The following CDH4 variants were observed in gnomAD, a reference collection of about 807,000 sequenced individuals.
CDH4 encodes the protein cadherin-4.
In CDH4, 33 loss-of-function variants were observed where a neutral mutation model predicts 86.0. The ratio of observed to expected loss-of-function variants is 0.38; its 90% CI spans 0.29 to 0.51. The LOEUF (loss-of-function observed/expected upper bound fraction) is 0.51, where lower values mean the gene tolerates loss of function less well. Ranked by LOEUF, CDH4 falls within the 20% of genes least tolerant of loss-of-function variation. CDH4 has a pLI of 0.86. For synonymous variants in CDH4, 555 were observed against 549.4 expected, an observed-to-expected ratio of 1.01 and a Z score of -0.14; for missense variants, 1,114 against 1,307.4, an observed-to-expected ratio of 0.85 and a Z score of 2.28.
intron 9 of CDH4, among the ~76,000 whole-genome samples, chr20:61,918,442 C>T (rs1402641030): frequency 2.0e-5 from 3 of 152,156 alleles, no homozygotes; most frequent in Non-Finnish European, 4.4e-5. Flanking sequence ...CACAGATGAA[C>T]CACACTGGCG....
chr20:61,331,835 C>T (rs2084582473), intron 2 of CDH4, among the ~76,000 whole-genome samples: 1 of 152,140 alleles, frequency 6.6e-6, no homozygotes, highest in Non-Finnish European at 1.5e-5. Flanking sequence ...TGTCTCTTCC[C>T]CTGGACCGCA....
At chr20:61,451,654 A>G (rs2085381475) in intron 2 of CDH4, among the ~76,000 whole-genome samples, 1 of 151,962 alleles carries the variant, frequency 6.6e-6, no homozygotes, top group Non-Finnish European at 1.5e-5. Context: ...TCGCCAAGGA[A>G]AACTGTAGAA....
chr20:61,845,449 C>T (rs905772527), intron 5 of CDH4, among the ~76,000 whole-genome samples: 1 of 152,206 alleles, frequency 6.6e-6, no homozygotes, highest in African/African-American at 2.4e-5. Flanking sequence ...CCGAACTGAC[C>T]CTGGCCGAGA....
rs1170956815 is a variant in CDH4 at position 61,517,361 on chromosome 20, A to G, written c.170-226202A>G. 1.3e-5 allele frequency among the ~76,000 whole-genome samples: 2 copies of G among 152,020 alleles called. No homozygotes were observed. The highest frequency in any genetic ancestry group is 6.5e-5 in the Admixed American group (1 of 15,274). ...AGGTGCACACCACCTTGTGCAGCTA[A>G]TTTTTTTACTTTTTGTAGAGACAAG... On this transcript the variant is annotated intron_variant, in intron 2 of 15. Coordinates refer to ENST00000614565, the MANE Select transcript of CDH4 (RefSeq NM_001794.5). This position sits in a 1 kb window ranked among gnomAD's most constrained non-coding sequence, Gnocchi z 6.6.
intron 2 of CDH4, among the ~76,000 whole-genome samples, chr20:61,537,243 C>T (rs949525111): frequency 4.6e-5 from 7 of 151,488 alleles, no homozygotes; most frequent in Middle Eastern, 3.4e-3. Context: ...AATAATTTTT[C>T]TTAGGGCCCC....
intron 6 of CDH4, among the ~76,000 whole-genome samples, chr20:61,854,582 T>G (rs1982900552): frequency 6.9e-6 from 1 of 143,930 alleles, no homozygotes; most frequent in Non-Finnish European, 1.5e-5. Flanking sequence ...GTGAACAGGG[T>G]GAATTGTGCC....
chr20:61,354,381 G>A (rs1196366104), intron 2 of CDH4, among the ~76,000 whole-genome samples: 2 of 152,160 alleles, frequency 1.3e-5, no homozygotes, highest in African/African-American at 4.8e-5. Context: ...TCTGAACCAC[G>A]GTTTCCTGAC....
intron 2 of CDH4, among the ~76,000 whole-genome samples, chr20:61,590,882 G>GGT (rs1568700994): frequency 2.6e-5 from 4 of 152,084 alleles, no homozygotes; most frequent in Non-Finnish European, 5.9e-5. Flanking sequence ...TCTATGGGGG[G>GGT]GGGGGTCCCC....
intron 2 of CDH4, among the ~76,000 whole-genome samples, chr20:61,388,875 T>A (rs1186477270): frequency 6.6e-6 from 1 of 152,254 alleles, no homozygotes; most frequent in Non-Finnish European, 1.5e-5. Flanking sequence ...GAGCATAATA[T>A]ACTATATTTA....
chr20:61,645,400 G>A (rs1382514671), intron 2 of CDH4, among the ~76,000 whole-genome samples: 1 of 152,202 alleles, frequency 6.6e-6, no homozygotes, highest in Non-Finnish European at 1.5e-5. Context: ...GCTGAGGTGG[G>A]AGGATCACTT....
intron 7 of CDH4, among the ~76,000 whole-genome samples, chr20:61,890,831 C>A (rs989860499): frequency 4.6e-5 from 7 of 152,056 alleles, no homozygotes; most frequent in Admixed American, 2.0e-4. Context: ...TCAACAGACA[C>A]CGATTACCTA....
intron 2 of CDH4, among the ~76,000 whole-genome samples, chr20:61,571,956 C>A (rs192239468): frequency 6.1e-4 from 93 of 152,278 alleles, no homozygotes; most frequent in African/African-American, 2.2e-3. Flanking sequence ...GGCACAGAGA[C>A]TTCAGTTCCC....
chr20:61,780,221 C>T (rs370566286), intron 4 of CDH4, among the ~76,000 whole-genome samples: 4 of 152,094 alleles, frequency 2.6e-5, no homozygotes, highest in African/African-American at 7.2e-5. Flanking sequence ...CAGACTGGCT[C>T]GTAGCCTTGG....
At chr20:61,447,624 CTTTTTTTT>C (rs11204461) in intron 2 of CDH4, among the ~76,000 whole-genome samples, 1 of 102,034 alleles carries the variant, frequency 9.8e-6, no homozygotes, top group Non-Finnish European at 1.9e-5. Context: ...ATTCTACTTC[CTTTTTTTT>C]TTTTTTTTTT....
intron 2 of CDH4, among the ~76,000 whole-genome samples, chr20:61,406,281 C>T (rs186080053): frequency 2.0e-5 from 3 of 151,706 alleles, no homozygotes; most frequent in African/African-American, 4.8e-5. Context: ...GGACCACCAT[C>T]TGCTCTGCCC....
At chr20:61,291,691 C>CTGCTGTG (rs11281829) in intron 2 of CDH4, among the ~76,000 whole-genome samples, 145,831 of 152,146 alleles carry the variant, frequency 0.96, 70,165 homozygotes, top group East Asian at 1. Flanking sequence ...GGTTTCCAGT[C>CTGCTGTG]TGACCCTATC....
intron 6 of CDH4, among the ~76,000 whole-genome samples, chr20:61,867,374 A>T (rs369514973): frequency 2.0e-5 from 3 of 152,170 alleles, no homozygotes; most frequent in East Asian, 3.9e-4. Flanking sequence ...ACATGGAGAA[A>T]CCCCATCTCT....
chr20:61,777,308 G>C (rs375090367), intron 4 of CDH4, among the ~76,000 whole-genome samples: 1 of 152,164 alleles, frequency 6.6e-6, no homozygotes, highest in Non-Finnish European at 1.5e-5. Flanking sequence ...GTTGTGCTGG[G>C]CACCCATCAG....
Position 61,773,103 on chromosome 20 carries a change from G to A in CDH4, c.497G>A (p.Arg166Gln). The A allele has an allele frequency of 6.2e-7, 1 of 1,612,244 alleles. No individual in the cohort carries two copies. Among genetic ancestry groups the A allele is most frequent in the Non-Finnish European group, 8.5e-7 (1 of 1,179,526 alleles). ...PQHQNANGLR[R>Q]RKRDWVIPPI... Reference sequence around the variant, plus strand: ...CACCAGAACGCCAACGGGCTGAGGCGGCGCAAACGGGACTGGGTCATCCCG... The same window carrying A: ...CACCAGAACGCCAACGGGCTGAGGCAGCGCAAACGGGACTGGGTCATCCCG... Residue 166 changes from arginine (R) to glutamine (Q), a missense_variant, in exon 4 of 16, where the codon CGG becomes CAG. Physicochemically the swap from Arg to Gln is conservative, Grantham distance 43. Transcript: ENST00000614565.
Sources: gnomAD v4.1 joint callset for allele counts (sites outside exome capture counted in the v4.1 genomes callset) on GRCh38, gnomAD v4.1.1 for gene constraint, Gnocchi (gnomAD v3.1) non-coding constraint, MANE v1.5 for transcripts, NCBI Gene and HGNC (gene_info 2026-07-23, HGNC 2026-07-21) for gene names.